AKAP6: variants seen among roughly 807,000 people sequenced by gnomAD.
The protein encoded by AKAP6 is A-kinase anchor protein 6.
Under a neutral mutation model 188.5 loss-of-function variants are expected in AKAP6, and 58 were observed. The ratio of observed to expected loss-of-function variants is 0.31; its 90% CI spans 0.25 to 0.38. AKAP6 has a LOEUF of 0.38. Ranked by LOEUF, AKAP6 falls within the 10% of genes least tolerant of loss-of-function variation. The pLI, the probability that AKAP6 is intolerant of heterozygous loss-of-function variation, is 1.00. For synonymous variants in AKAP6, 989 were observed against 998.6 expected, an observed-to-expected ratio of 0.99 and a Z score of 0.18; for missense variants, 2,710 against 2,740.0, an observed-to-expected ratio of 0.99 and a Z score of 0.24.
At position 32,821,687 on chromosome 14, in the gene AKAP6, C is replaced by T; in HGVS notation, c.3874C>T (p.His1292Tyr). ...SPHIYQVYSL[H>Y]NVELYEDNHM... ...ACACATTTACCAGGTGTACAGCCTC[C>T]ACAATGTTGAACTCTATGAGGACAA... The change falls in exon 13 of 14, where the codon CAC becomes TAC. Residue 1292 changes from histidine to tyrosine, a missense_variant. Transcript: ENST00000280979. The T allele has an allele frequency of 9.9e-6, 16 of 1,613,674 alleles. No homozygotes were observed. The highest frequency in any genetic ancestry group is 1.3e-5 in the African/African-American group (1 of 74,942).
intron 12 of AKAP6, among the ~76,000 whole-genome samples, chr14:32,790,539 C>A (rs1418366302): frequency 4.6e-5 from 7 of 152,174 alleles, no homozygotes; most frequent in Admixed American, 2.6e-4. Context: ...AGAAACCCTA[C>A]AAGTCAGAAG....
intron 9 of AKAP6, among the ~76,000 whole-genome samples, chr14:32,730,883 C>G (rs1010605490): frequency 6.6e-6 from 1 of 152,112 alleles, no homozygotes; most frequent in Non-Finnish European, 1.5e-5. Context: ...AATATTGAAT[C>G]CAGAAAATTC....
Position 32,783,541 on chromosome 14 carries a change from A to G in AKAP6, c.3588+9648A>G, listed in dbSNP as rs558381725. On this transcript the variant is annotated intron_variant, in intron 12 of 13. Coordinates refer to ENST00000280979, the MANE Select transcript of AKAP6 (RefSeq NM_004274.5). ...GAATTTTAATTACAAAGGAGTTGATAGATTACCCTGAAGCCTGGCAGTGAG... is the reference window on the plus strand; with the variant it reads ...GAATTTTAATTACAAAGGAGTTGATGGATTACCCTGAAGCCTGGCAGTGAG... Among the ~76,000 whole-genome samples, 14 of 152,282 alleles carry G rather than the reference A, an allele frequency of 9.2e-5. No homozygotes were observed. The East Asian group carries it at 2.5e-3, about 27-fold the overall frequency.
intron 1 of AKAP6, among the ~76,000 whole-genome samples, chr14:32,372,399 G>A (rs1352071158): frequency 3.3e-5 from 5 of 151,960 alleles, no homozygotes; most frequent in Non-Finnish European, 7.4e-5. Context: ...TTAGTTTAGT[G>A]AAACTTGGAC....
chr14:32,786,299 T>TTTTTTTTTTTTTG (rs1491407022), intron 12 of AKAP6, among the ~76,000 whole-genome samples: 1,570 of 40,856 alleles, frequency 0.038, 173 homozygotes, highest in African/African-American at 0.15. Flanking sequence ...AACCTTTATC[T>TTTTTTTTTTTTTG]TTTTTTTTTT....
rs1469794660 is a variant in AKAP6 at position 32,696,060 on chromosome 14, G to A, written c.2950G>A (p.Asp984Asn). 1 of 1,612,890 alleles carries A rather than the reference G, an allele frequency of 6.2e-7. No individual in the cohort carries two copies. Among genetic ancestry groups the A allele is most frequent in the Non-Finnish European group, 8.5e-7 (1 of 1,179,626 alleles). Residue 984 changes from aspartate (D) to asparagine (N), a missense_variant, in exon 9 of 14, where the codon GAC becomes AAC. By Grantham distance (23) the Asp-to-Asn change is conservative. This residue lies in a region of AKAP6 where 2,473 missense variants were observed against 2,426.1 expected (regional missense o/e 1.02). Transcript: ENST00000280979. Reference sequence around the variant, plus strand: ...GATTGACATGGAGTCCCTTGTGATGGACAGCCACGACCTGATGATGTCAGA... The same window carrying A: ...GATTGACATGGAGTCCCTTGTGATGAACAGCCACGACCTGATGATGTCAGA... ...WLIDMESLVM[D>N]SHDLMMSEEQ... is the part of the protein sequence containing the mutation.
intron 2 of AKAP6, among the ~76,000 whole-genome samples, chr14:32,510,458 ATG>A (rs1338208103): frequency 1.2e-4 from 9 of 73,518 alleles, no homozygotes; most frequent in African/African-American, 3.9e-4. Flanking sequence ...ATACATATAT[ATG>A]TGTATATATA....
At chr14:32,366,521 A>C (rs1887840639) in intron 1 of AKAP6, among the ~76,000 whole-genome samples, 1 of 152,220 alleles carries the variant, frequency 6.6e-6, no homozygotes, top group Non-Finnish European at 1.5e-5. Context: ...ACTTCAGTCC[A>C]AGGTCTTTAG....
chr14:32,343,588 A>G (rs144543869), intron 1 of AKAP6, among the ~76,000 whole-genome samples: 11,373 of 151,590 alleles, frequency 0.075, 524 homozygotes, highest in Non-Finnish European at 0.085. Flanking sequence ...CTCTACTAAA[A>G]ATACAAAAAA....
chr14:32,686,095 T>C (rs2139664530), intron 8 of AKAP6, among the ~76,000 whole-genome samples: 1 of 152,258 alleles, frequency 6.6e-6, no homozygotes, highest in African/African-American at 2.4e-5. Flanking sequence ...CATGATAGAG[T>C]ACTATTCAGC....
intron 11 of AKAP6, among the ~76,000 whole-genome samples, chr14:32,769,037 A>ATTTTTTTTTGTTTTTTTTTTTTTT (rs2032807875): frequency 1.8e-5 from 1 of 56,926 alleles, no homozygotes; most frequent in Non-Finnish European, 2.9e-5. Flanking sequence ...TGCTCTTTTG[A>ATTTTTTTTTGTTTTTTTTTTTTTT]TTTTTTTTTT....
rs559758210 is a variant in AKAP6 at position 32,438,736 on chromosome 14, G to A, written c.324+4919G>A. The A allele has an allele frequency of 5.3e-5, 8 of 152,226 alleles. No homozygotes were observed. In the East Asian group the frequency reaches 5.8e-4, roughly 11 times the overall value. The allele number at this position is 152,226 out of a possible 1,614,324, so 9.4% of individuals were successfully genotyped here. A position where few individuals can be genotyped will look rare whatever the true frequency, so the allele number is the denominator to read the frequency against. On this transcript the variant is annotated intron_variant, in intron 2 of 13. Coordinates refer to ENST00000280979, the MANE Select transcript of AKAP6 (RefSeq NM_004274.5). ...GCTGAACCAAATTTAGAATCTCTCC[G>A]CCTTCTTTGGATTCAGAAGCTGTGC...
intron 11 of AKAP6, among the ~76,000 whole-genome samples, chr14:32,758,246 T>A (rs1245602154): frequency 6.6e-6 from 1 of 152,118 alleles, no homozygotes; most frequent in Non-Finnish European, 1.5e-5. Flanking sequence ...TCTGATAAAT[T>A]AAATGACTCA....
intron 7 of AKAP6, among the ~76,000 whole-genome samples, chr14:32,659,757 A>G (rs1488431175): frequency 1.3e-5 from 2 of 151,966 alleles, no homozygotes; most frequent in African/African-American, 4.8e-5. Context: ...CTCAATAAGT[A>G]TATACAAATA....
chr14:32,364,695 T>C (rs919910283), intron 1 of AKAP6, among the ~76,000 whole-genome samples: 1 of 152,174 alleles, frequency 6.6e-6, no homozygotes, highest in Non-Finnish European at 1.5e-5. Context: ...AAAGGAGATA[T>C]GATTTTTACT....
intron 1 of AKAP6, among the ~76,000 whole-genome samples, chr14:32,373,047 G>A (rs17098929): frequency 0.011 from 1,611 of 151,200 alleles, 30 homozygotes; most frequent in African/African-American, 0.038. Flanking sequence ...AGAGTCTGAC[G>A]GTTCTAGCTC....
At chr14:32,497,518 T>G (rs974580857) in intron 2 of AKAP6, among the ~76,000 whole-genome samples, 1 of 152,112 alleles carries the variant, frequency 6.6e-6, no homozygotes, top group Non-Finnish European at 1.5e-5. Context: ...ATGATCATAG[T>G]CTATCTTGGG....
At chr14:32,391,025 G>T (rs1257135924) in intron 1 of AKAP6, among the ~76,000 whole-genome samples, 1 of 152,100 alleles carries the variant, frequency 6.6e-6, no homozygotes, top group Non-Finnish European at 1.5e-5. Flanking sequence ...TTAGGTACCA[G>T]TGCAGGCTGC....
chr14:32,727,264 T>G (rs1040318472), intron 9 of AKAP6, among the ~76,000 whole-genome samples: 1 of 152,172 alleles, frequency 6.6e-6, no homozygotes, highest in African/African-American at 2.4e-5. Context: ...GAAATTGACA[T>G]GAAAGTTTTC....
Sources: gnomAD v4.1 joint callset for allele counts (sites outside exome capture counted in the v4.1 genomes callset) on GRCh38, gnomAD v4.1.1 for gene constraint, gnomAD v4.1.1 regional missense constraint, MANE v1.5 for transcripts, NCBI Gene and HGNC (gene_info 2026-07-23, HGNC 2026-07-21) for gene names.